The following CMTM8 variants were observed in gnomAD, a reference collection of about 807,000 sequenced individuals.
CMTM8 encodes CKLF like MARVEL transmembrane domain containing 8.
Under a neutral mutation model 18.6 loss-of-function variants are expected in CMTM8, and 12 were observed. That is an observed-to-expected ratio of 0.65 (90% CI 0.41 to 1.05). The LOEUF (loss-of-function observed/expected upper bound fraction) is 1.05. Ranked by LOEUF, CMTM8 falls within the 50% of genes least tolerant of loss-of-function variation. The pLI, the probability that CMTM8 is intolerant of heterozygous loss-of-function variation, is 0.00. For synonymous variants in CMTM8, 87 were observed against 90.6 expected (o/e 0.96, Z 0.23); for missense variants, 217 against 227.2 (o/e 0.95, Z 0.29).
At chr3:32,274,286 G>A (rs1702482885) in intron 1 of CMTM8, among the ~76,000 whole-genome samples, 1 of 150,372 alleles carries the variant, frequency 6.7e-6, no homozygotes, top group African/African-American at 2.5e-5. Flanking sequence ...CTCCAGCCTG[G>A]GTGACCCTGT....
intron 2 of CMTM8, among the ~76,000 whole-genome samples, chr3:32,367,247 C>T (rs76338405): frequency 0.044 from 6,722 of 152,230 alleles, 284 homozygotes; most frequent in African/African-American, 0.11. Context: ...TTAGACATAA[C>T]TGAAAACCAA....
intron 1 of CMTM8, among the ~76,000 whole-genome samples, chr3:32,341,981 C>T (rs1472362995): frequency 1.3e-5 from 2 of 152,052 alleles, no homozygotes; most frequent in Non-Finnish European, 2.9e-5. Context: ...GGCATGGTGG[C>T]TCACGCCTGT....
At chr3:32,326,583 C>T (rs1453709966) in intron 1 of CMTM8, among the ~76,000 whole-genome samples, 1 of 139,186 alleles carries the variant, frequency 7.2e-6, no homozygotes, top group African/African-American at 2.7e-5. Flanking sequence ...GTGGCGTGAT[C>T]TTGGCTCACT....
intron 1 of CMTM8, among the ~76,000 whole-genome samples, chr3:32,295,348 C>T (rs773157670): frequency 1.4e-5 from 2 of 147,564 alleles, no homozygotes; most frequent in Non-Finnish European, 3.0e-5. Flanking sequence ...CTCAGCTACT[C>T]GGGAGGCTGA....
At chr3:32,360,162 T>C (rs188729612) in intron 2 of CMTM8, among the ~76,000 whole-genome samples, 1 of 152,356 alleles carries the variant, frequency 6.6e-6, no homozygotes, top group Admixed American at 6.5e-5. Context: ...AGCATGGTAT[T>C]GAACCTTGCC....
chr3:32,344,691 T>C (rs1230264368), intron 1 of CMTM8, among the ~76,000 whole-genome samples: 1 of 152,138 alleles, frequency 6.6e-6, no homozygotes, highest in Non-Finnish European at 1.5e-5. Context: ...GTCTAGGAGT[T>C]CGAAGTCAGC....
At chr3:32,281,307 A>G (rs781632062) in intron 1 of CMTM8, among the ~76,000 whole-genome samples, 5 of 152,168 alleles carry the variant, frequency 3.3e-5, no homozygotes, top group Non-Finnish European at 7.4e-5. Context: ...AGGCAGCTGG[A>G]TTCGTCTCTT....
At chr3:32,325,368 C>A (rs1351840455) in intron 1 of CMTM8, among the ~76,000 whole-genome samples, 1 of 152,176 alleles carries the variant, frequency 6.6e-6, no homozygotes, top group Non-Finnish European at 1.5e-5. Flanking sequence ...AAAAAGCCTC[C>A]ACAATTGTCA....
intron 1 of CMTM8, among the ~76,000 whole-genome samples, chr3:32,258,677 T>C (rs533268655): frequency 1.8e-4 from 28 of 152,216 alleles, no homozygotes; most frequent in Non-Finnish European, 3.4e-4. Context: ...GCCTGGCTGA[T>C]TTTTTTAATT....
intron 1 of CMTM8, among the ~76,000 whole-genome samples, chr3:32,297,611 G>A (rs997386465): frequency 6.6e-6 from 1 of 151,994 alleles, no homozygotes; most frequent in South Asian, 2.1e-4. Context: ...CTGGGGTGGC[G>A]CAGACACTCC....
At chr3:32,299,945 G>C (rs1480425492) in intron 1 of CMTM8, among the ~76,000 whole-genome samples, 1 of 152,176 alleles carries the variant, frequency 6.6e-6, no homozygotes, top group Non-Finnish European at 1.5e-5. Context: ...TAACTGAATG[G>C]ATACAGCCAC....
At chr3:32,359,874 G>A (rs6550118) in intron 2 of CMTM8, among the ~76,000 whole-genome samples, 139,322 of 152,264 alleles carry the variant, frequency 0.92, 64,286 homozygotes, top group South Asian at 0.97. Context: ...GGAAACTGAG[G>A]TTTGGAGTCT....
At chr3:32,368,492 G>T (rs1160046436) in intron 3 of CMTM8, among the ~76,000 whole-genome samples, 12 of 140,180 alleles carry the variant, frequency 8.6e-5, no homozygotes, top group African/African-American at 2.1e-4. Flanking sequence ...AAGGGGTCTT[G>T]CTCCATCACC....
intron 1 of CMTM8, among the ~76,000 whole-genome samples, chr3:32,313,516 G>A (rs1559377145): frequency 6.6e-6 from 1 of 152,130 alleles, no homozygotes. Context: ...TGTTGCCCAG[G>A]CTGGTCTCAA....
chr3:32,252,173 C>T (rs1702119741), intron 1 of CMTM8, among the ~76,000 whole-genome samples: 1 of 151,950 alleles, frequency 6.6e-6, no homozygotes. Flanking sequence ...ACTTCTTTAC[C>T]CAAGTGGATA....
intron 1 of CMTM8, among the ~76,000 whole-genome samples, chr3:32,303,181 A>G (rs1328086049): frequency 6.6e-6 from 1 of 152,228 alleles, no homozygotes; most frequent in African/African-American, 2.4e-5. Context: ...TGTCTTCTTA[A>G]GTTGCTGATA....
intron 1 of CMTM8, among the ~76,000 whole-genome samples, chr3:32,239,946 A>G (rs1428969782): frequency 1.3e-5 from 2 of 152,200 alleles, no homozygotes; most frequent in Non-Finnish European, 2.9e-5. Context: ...CGTAAATCAC[A>G]CCGGTGGATG....
intron 1 of CMTM8, among the ~76,000 whole-genome samples, chr3:32,303,386 A>G (rs1379016109): frequency 6.6e-6 from 1 of 152,224 alleles, no homozygotes; most frequent in Non-Finnish European, 1.5e-5. Context: ...TGATGCATCA[A>G]AATGTCTGAG....
At chr3:32,368,015 T>C in intron 3 of CMTM8, 27 bp downstream of exon 3, 1 of 1,432,048 alleles carries the variant, frequency 7.0e-7, no homozygotes, top group African/African-American at 1.4e-5. Flanking sequence ...CCCCACATGA[T>C]CCTCCTCTTC....
Sources: gnomAD v4.1 joint callset for allele counts (sites outside exome capture counted in the v4.1 genomes callset) on GRCh38, gnomAD v4.1.1 for gene constraint, MANE v1.5 for transcripts, NCBI Gene and HGNC (gene_info 2026-07-23, HGNC 2026-07-21) for gene names.